CEP15: variants seen among roughly 807,000 people sequenced by gnomAD.
The protein encoded by CEP15 is centrosomal protein 15 kDa.
chr3:62,325,473 T>G, the CEP15 span, among the ~76,000 whole-genome samples: 252 of 152,176 alleles, frequency 1.7e-3, 3 homozygotes, highest in Middle Eastern at 0.061. Flanking sequence ...TATTAGTAAA[T>G]GAATAGATAT....
At chr3:62,327,196 A>C in the CEP15 span, among the ~76,000 whole-genome samples, 1 of 152,196 alleles carries the variant, frequency 6.6e-6, no homozygotes, top group Non-Finnish European at 1.5e-5. Context: ...ATTCTCCGTA[A>C]TTCCTATAAA....
the CEP15 span, chr3:62,320,313 A>T: frequency 3.6e-6 from 2 of 550,090 alleles, no homozygotes; most frequent in Non-Finnish European, 6.3e-6. Context: ...GTTTAATTGC[A>T]TCCTTTCATT....
At chr3:62,333,142 G>C in the CEP15 span, 1 of 862,728 alleles carries the variant, frequency 1.2e-6, no homozygotes, top group Non-Finnish European at 1.8e-6. The surrounding 1 kb of genome is among the most constrained non-coding windows in gnomAD (Gnocchi z 4.0). Context: ...GTGTGTGTGT[G>C]TGTGTGTGTA....
At chr3:62,326,476 A>T in the CEP15 span, among the ~76,000 whole-genome samples, 18 of 152,260 alleles carry the variant, frequency 1.2e-4, no homozygotes, top group Admixed American at 2.0e-4. Context: ...GTTTTGGAGG[A>T]AGTGGCATGT....
At chr3:62,321,820 G>T in the CEP15 span, 1 of 772,824 alleles carries the variant, frequency 1.3e-6, no homozygotes, top group Admixed American at 3.4e-5. This position sits in a 1 kb window ranked among gnomAD's most constrained non-coding sequence, Gnocchi z 4.1. Context: ...TTCAGAATAG[G>T]TTAGAGTTGA....
chr3:62,326,555 A>C, the CEP15 span, among the ~76,000 whole-genome samples: 2 of 152,200 alleles, frequency 1.3e-5, no homozygotes, highest in African/African-American at 4.8e-5. Context: ...TTTCCTAATC[A>C]TGAATCAACT....
the CEP15 span, among the ~76,000 whole-genome samples, chr3:62,320,860 C>T: frequency 7.3e-4 from 111 of 152,222 alleles, no homozygotes; most frequent in African/African-American, 2.6e-3. Context: ...AGTCACAGGT[C>T]CTGCATTTGG....
chr3:62,330,210 C>T, the CEP15 span, among the ~76,000 whole-genome samples: 1 of 152,148 alleles, frequency 6.6e-6, no homozygotes, highest in Non-Finnish European at 1.5e-5. Context: ...CTCTTTTCTC[C>T]TGTTCAGCAT....
the CEP15 span, chr3:62,320,624 C>A: frequency 1.2e-6 from 1 of 827,252 alleles, no homozygotes; most frequent in Non-Finnish European, 1.9e-6. Context: ...GCAAGCATGT[C>A]ATTTTAATTT....
the CEP15 span, chr3:62,333,290 C>CA: frequency 2.5e-6 from 4 of 1,611,112 alleles, no homozygotes; most frequent in Admixed American, 5.0e-5. This position sits in a 1 kb window ranked among gnomAD's most constrained non-coding sequence, Gnocchi z 4.0. Flanking sequence ...AATATATTCC[C>CA]AAATGGGAAC....
the CEP15 span, among the ~76,000 whole-genome samples, chr3:62,328,844 A>G: frequency 6.6e-6 from 1 of 151,384 alleles, no homozygotes; most frequent in Admixed American, 6.6e-5. Flanking sequence ...AAAGGTTCTT[A>G]TATGGAAGTA....
At chr3:62,321,922 T>G in the CEP15 span, 1 of 1,572,830 alleles carries the variant, frequency 6.4e-7, no homozygotes, top group Non-Finnish European at 8.6e-7. The surrounding 1 kb of genome is among the most constrained non-coding windows in gnomAD (Gnocchi z 4.1). Flanking sequence ...TCTTCGTTTT[T>G]TTTCTAGAGT....
chr3:62,334,466 T>A, the CEP15 span: 1 of 152,106 alleles, frequency 6.6e-6, no homozygotes, highest in Non-Finnish European at 1.5e-5. The surrounding 1 kb of genome is among the most constrained non-coding windows in gnomAD (Gnocchi z 4.9). Flanking sequence ...CTTGGAAATA[T>A]CCTGTTGAGT....
At chr3:62,331,221 G>A in the CEP15 span, 6 of 903,696 alleles carry the variant, frequency 6.6e-6, no homozygotes, top group Admixed American at 1.0e-4. Context: ...ATTATATCCA[G>A]AGAAGAGTTG....
chr3:62,322,194 C>A, the CEP15 span: 1 of 864,870 alleles, frequency 1.2e-6, no homozygotes, highest in Non-Finnish European at 1.8e-6. The surrounding 1 kb of genome is among the most constrained non-coding windows in gnomAD (Gnocchi z 5.5). Flanking sequence ...TTTTAAAAGC[C>A]CATGTCAGTT....
the CEP15 span, chr3:62,333,393 C>G: frequency 6.2e-7 from 1 of 1,607,380 alleles, no homozygotes; most frequent in Non-Finnish European, 8.5e-7. This position sits in a 1 kb window ranked among gnomAD's most constrained non-coding sequence, Gnocchi z 4.0. Flanking sequence ...GCGATAACTT[C>G]TTCACATGCT....
the CEP15 span, chr3:62,331,312 A>T: frequency 6.2e-7 from 1 of 1,611,588 alleles, no homozygotes; most frequent in South Asian, 1.1e-5. Flanking sequence ...TAAAATGCCG[A>T]TATCTGTTAC....
chr3:62,335,049 A>G, the CEP15 span: 1 of 152,112 alleles, frequency 6.6e-6, no homozygotes, highest in Non-Finnish European at 1.5e-5. Flanking sequence ...ATGGTAAAAT[A>G]TTGTGTCAAG....
At chr3:62,320,562 T>C in the CEP15 span, 3 of 1,519,638 alleles carry the variant, frequency 2.0e-6, no homozygotes, top group African/African-American at 1.4e-5. Context: ...ATATAGAAAT[T>C]GGACTGGCTT....
Sources: gnomAD v4.1 joint callset for allele counts (sites outside exome capture counted in the v4.1 genomes callset) on GRCh38, gnomAD v4.1.1 for gene constraint, Gnocchi (gnomAD v3.1) non-coding constraint, MANE v1.5 for transcripts, NCBI Gene and HGNC (gene_info 2026-07-23, HGNC 2026-07-21) for gene names.